TMEM108: variants seen among roughly 807,000 people sequenced by gnomAD.
TMEM108 encodes the protein cancer/testis antigen 124.
TMEM108 carries 12 observed loss-of-function variants against 35.1 expected under a neutral mutation model. The observed-to-expected ratio is 0.34, with a 90% CI of 0.22 to 0.55. The LOEUF is 0.55. Among genes scored for constraint, TMEM108 ranks in the 20% least tolerant of loss-of-function variants. The pLI, the probability that TMEM108 is intolerant of heterozygous loss-of-function variation, is 0.89. For synonymous variants in TMEM108, 287 were observed against 308.6 expected, an observed-to-expected ratio of 0.93 and a Z score of 0.73; for missense variants, 680 against 753.3, an observed-to-expected ratio of 0.90 and a Z score of 1.14.
intron 2 of TMEM108, among the ~76,000 whole-genome samples, chr3:133,142,770 T>C (rs1472850418): frequency 2.6e-5 from 4 of 152,208 alleles, no homozygotes; most frequent in African/African-American, 9.7e-5. Context: ...GTTAGTGTAG[T>C]ATAATTATAA....
In TMEM108 at chr3:133,148,603, A is replaced by G. The variant is rs562979872; in HGVS notation, c.-46-80663A>G. The stretch of plus-strand genomic sequence containing the variant: ...TGTGTTCAGAATATAAATCCTATTA[A>G]CAGGACTTCATCATGATACTTCTTA... On this transcript the variant is annotated intron_variant, in intron 2 of 5. Transcript: ENST00000321871. 2.4e-4 allele frequency among the ~76,000 whole-genome samples: 36 copies of G among 152,308 alleles called. No individual in the cohort carries two copies. In the South Asian group the frequency reaches 3.7e-3, roughly 16 times the overall value.
At chr3:133,335,163 T>C (rs2071467876) in intron 3 of TMEM108, among the ~76,000 whole-genome samples, 1 of 152,132 alleles carries the variant, frequency 6.6e-6, no homozygotes, top group South Asian at 2.1e-4. Context: ...AAATAAGACC[T>C]ACCAACATTT....
At chr3:133,110,435 T>C (rs1944211368) in intron 2 of TMEM108, among the ~76,000 whole-genome samples, 1 of 152,218 alleles carries the variant, frequency 6.6e-6, no homozygotes, top group Non-Finnish European at 1.5e-5. Flanking sequence ...CCTTTCATTC[T>C]AAGAGGATTA....
chr3:133,055,382 G>C (rs2107677739), intron 2 of TMEM108, among the ~76,000 whole-genome samples: 1 of 152,294 alleles, frequency 6.6e-6, no homozygotes, highest in East Asian at 1.9e-4. Context: ...GAATTAATTT[G>C]AAGCCCTTGT....
chr3:133,234,522 C>T (rs57068799), intron 3 of TMEM108, among the ~76,000 whole-genome samples: 6,100 of 152,200 alleles, frequency 0.04, 381 homozygotes, highest in African/African-American at 0.13. Flanking sequence ...TCAATAGATA[C>T]AGAAAAGGCC....
chr3:133,285,806 C>T (rs573069493), intron 3 of TMEM108, among the ~76,000 whole-genome samples: 2 of 152,156 alleles, frequency 1.3e-5, no homozygotes, highest in South Asian at 2.1e-4. Flanking sequence ...GCTGCTTCAG[C>T]CCCCATCACT....
chr3:133,130,922 T>G (rs986550066), intron 2 of TMEM108, among the ~76,000 whole-genome samples: 2 of 152,222 alleles, frequency 1.3e-5, no homozygotes, highest in African/African-American at 4.8e-5. Flanking sequence ...ATCTGAAAAT[T>G]TATGACACTC....
At chr3:133,123,191 T>C (rs1944375244) in intron 2 of TMEM108, among the ~76,000 whole-genome samples, 1 of 152,254 alleles carries the variant, frequency 6.6e-6, no homozygotes, top group Non-Finnish European at 1.5e-5. Flanking sequence ...TTTTAATGGC[T>C]ATATTGTATT....
At chr3:133,097,007 G>A (rs910561766) in intron 2 of TMEM108, among the ~76,000 whole-genome samples, 13 of 152,176 alleles carry the variant, frequency 8.5e-5, no homozygotes, top group African/African-American at 4.8e-5. Flanking sequence ...TCTTCTGTCC[G>A]CACCCTTGCA....
intron 2 of TMEM108, among the ~76,000 whole-genome samples, chr3:133,078,879 C>A (rs183529369): frequency 6.6e-6 from 1 of 152,050 alleles, no homozygotes; most frequent in Non-Finnish European, 1.5e-5. Context: ...ATTTATCCAG[C>A]GAATAGATAT....
chr3:133,347,269 A>C (rs2071849131), intron 3 of TMEM108, among the ~76,000 whole-genome samples: 1 of 152,166 alleles, frequency 6.6e-6, no homozygotes, highest in Admixed American at 6.6e-5. Context: ...ATCTGTGAAC[A>C]TAGAATATCT....
chr3:133,386,340 C>T (rs1187132037), intron 4 of TMEM108: 32 of 1,490,688 alleles, frequency 2.1e-5, no homozygotes, highest in Non-Finnish European at 2.5e-5. Flanking sequence ...CAAACAGGCC[C>T]GGGAAAGAGC....
chr3:133,116,701 G>T (rs1261663881), intron 2 of TMEM108, among the ~76,000 whole-genome samples: 2 of 152,152 alleles, frequency 1.3e-5, no homozygotes, highest in Admixed American at 6.5e-5. Context: ...AAGCGCTCTT[G>T]TTGTCAACTG....
intron 3 of TMEM108, among the ~76,000 whole-genome samples, chr3:133,282,162 A>AAAATAAAT (rs1433634190): frequency 2.0e-5 from 3 of 152,230 alleles, no homozygotes; most frequent in African/African-American, 7.2e-5. Flanking sequence ...GTCTCAAAAA[A>AAAATAAAT]AAATAAATAA....
chr3:133,234,472 G>T (rs1003447556), intron 3 of TMEM108, among the ~76,000 whole-genome samples: 8 of 151,990 alleles, frequency 5.3e-5, no homozygotes, highest in Admixed American at 1.3e-4. Context: ...ATGTAATCCA[G>T]CATATAAACA....
intron 2 of TMEM108, among the ~76,000 whole-genome samples, chr3:133,115,182 A>G (rs1046061002): frequency 2.0e-5 from 3 of 152,256 alleles, no homozygotes; most frequent in Non-Finnish European, 2.9e-5. Flanking sequence ...TTTAAGATAT[A>G]TTAAGTGTTC....
intron 3 of TMEM108, among the ~76,000 whole-genome samples, chr3:133,250,440 T>C (rs533918637): frequency 9.2e-5 from 14 of 152,366 alleles, no homozygotes; most frequent in Admixed American, 2.6e-4. Flanking sequence ...ACAGTATATA[T>C]AACATACAAA....
intron 3 of TMEM108, among the ~76,000 whole-genome samples, chr3:133,258,200 G>A (rs1185177797): frequency 6.6e-6 from 1 of 152,182 alleles, no homozygotes; most frequent in Non-Finnish European, 1.5e-5. Context: ...TTGAAGACAT[G>A]GTGAGAAGGT....
chr3:133,284,828 A>T (rs1012491637), intron 3 of TMEM108, among the ~76,000 whole-genome samples: 6 of 152,144 alleles, frequency 3.9e-5, no homozygotes, highest in African/African-American at 1.2e-4. Flanking sequence ...AGATCATTTC[A>T]GTTTTTCTTT....
Sources: allele counts gnomAD v4.1 joint callset (sites outside exome capture counted in the v4.1 genomes callset), GRCh38; gene constraint gnomAD v4.1.1; transcripts MANE v1.5; gene names NCBI Gene and HGNC (gene_info 2026-07-23, HGNC 2026-07-21).